GPC6: variants seen among roughly 807,000 people sequenced by gnomAD.
GPC6 encodes the protein glypican 6.
A neutral mutation model predicts 55.2 loss-of-function variants in GPC6; 14 were observed. The observed-to-expected ratio is 0.25, with a 90% confidence interval of 0.17 to 0.40. GPC6 has a LOEUF of 0.40. GPC6 is among the 10% of genes least tolerant of loss of function. GPC6 has a pLI of 1.00. For synonymous variants in GPC6, 278 were observed against 259.6 expected, an observed-to-expected ratio of 1.07 and a Z score of -0.68; for missense variants, 641 against 708.5, an observed-to-expected ratio of 0.90 and a Z score of 1.08.
At chr13:93,384,082 C>T (rs1875293748) in intron 1 of GPC6, among the ~76,000 whole-genome samples, 1 of 152,030 alleles carries the variant, frequency 6.6e-6, no homozygotes, top group African/African-American at 2.4e-5. Context: ...ATTCATACAT[C>T]AACTAATTGA....
intron 1 of GPC6, among the ~76,000 whole-genome samples, chr13:93,233,835 G>T (rs759709566): frequency 6.6e-6 from 1 of 152,070 alleles, no homozygotes; most frequent in African/African-American, 2.4e-5. Context: ...GGGCCCAAAG[G>T]TCAGGTTAAT....
intron 3 of GPC6, among the ~76,000 whole-genome samples, chr13:93,967,589 C>A (rs1053058541): frequency 2.0e-5 from 3 of 152,176 alleles, no homozygotes; most frequent in African/African-American, 7.2e-5. Context: ...CTTCCCCTCA[C>A]CTGCCTGAGT....
At chr13:93,320,204 C>G (rs867016547) in intron 1 of GPC6, among the ~76,000 whole-genome samples, 1 of 152,066 alleles carries the variant, frequency 6.6e-6, no homozygotes, top group Non-Finnish European at 1.5e-5. Flanking sequence ...CATAATAATG[C>G]AAATACTGCC....
chr13:93,731,268 A>G (rs1883809604), intron 2 of GPC6, among the ~76,000 whole-genome samples: 1 of 152,144 alleles, frequency 6.6e-6, no homozygotes, highest in South Asian at 2.1e-4. Flanking sequence ...TTTTTCCAAC[A>G]GGAATATGGT....
At chr13:93,413,057 G>A (rs1167424655) in intron 1 of GPC6, among the ~76,000 whole-genome samples, 1 of 152,138 alleles carries the variant, frequency 6.6e-6, no homozygotes, top group Non-Finnish European at 1.5e-5. Context: ...GGTAGATGTT[G>A]TTTATAAAGA....
At chr13:94,319,228 G>T (rs2139127652) in intron 6 of GPC6, among the ~76,000 whole-genome samples, 1 of 152,060 alleles carries the variant, frequency 6.6e-6, no homozygotes, top group East Asian at 1.9e-4. Flanking sequence ...TAATACTGTA[G>T]TTTTTATTCT....
At chr13:93,740,624 A>G (rs554610475) in intron 2 of GPC6, among the ~76,000 whole-genome samples, 8 of 152,350 alleles carry the variant, frequency 5.3e-5, no homozygotes, top group East Asian at 1.9e-4. Flanking sequence ...CAAATATTTT[A>G]TGAGATAAAA....
chr13:93,491,525 T>C (rs1475186871), intron 1 of GPC6, among the ~76,000 whole-genome samples: 40 of 109,732 alleles, frequency 3.6e-4, no homozygotes, highest in Non-Finnish European at 4.9e-4. Flanking sequence ...TTTAGTTTAA[T>C]TAGATCCCAT....
intron 4 of GPC6, among the ~76,000 whole-genome samples, chr13:94,109,971 G>A (rs1886182895): frequency 6.8e-6 from 1 of 147,772 alleles, no homozygotes; most frequent in South Asian, 2.1e-4. Context: ...CCTCTTTAAA[G>A]CTTCAGTTGT....
chr13:93,659,625 C>T (rs966818346), intron 2 of GPC6, among the ~76,000 whole-genome samples: 2 of 151,998 alleles, frequency 1.3e-5, no homozygotes, highest in African/African-American at 4.8e-5. Context: ...ATAATGCTAT[C>T]AATCCTCTCG....
At chr13:94,175,100 G>A (rs1888699973) in intron 4 of GPC6, among the ~76,000 whole-genome samples, 2 of 152,054 alleles carry the variant, frequency 1.3e-5, no homozygotes, top group Admixed American at 1.3e-4. Flanking sequence ...TATACAGTAT[G>A]TACATTTTTC....
intron 3 of GPC6, among the ~76,000 whole-genome samples, chr13:94,005,568 A>G (rs909988843): frequency 8.5e-5 from 13 of 152,170 alleles, no homozygotes; most frequent in African/African-American, 2.9e-4. Flanking sequence ...AGGAGACATG[A>G]GCTCTTTCTT....
intron 2 of GPC6, among the ~76,000 whole-genome samples, chr13:93,700,098 A>G (rs1294864161): frequency 3.3e-5 from 5 of 152,124 alleles, no homozygotes; most frequent in Admixed American, 2.0e-4. Flanking sequence ...TCTTAATACT[A>G]TATTAAGTCC....
intron 3 of GPC6, among the ~76,000 whole-genome samples, chr13:93,887,425 G>A (rs1050171204): frequency 3.3e-5 from 5 of 151,968 alleles, no homozygotes; most frequent in East Asian, 3.9e-4. Context: ...TTAGAAAATC[G>A]AAGACTGAAA....
At chr13:93,630,582 C>G (rs915321653) in intron 2 of GPC6, among the ~76,000 whole-genome samples, 10 of 152,082 alleles carry the variant, frequency 6.6e-5, no homozygotes, top group African/African-American at 2.2e-4. Flanking sequence ...GCCAATCCTT[C>G]TTGGTACACT....
chr13:93,249,102 A>G (rs931603036), intron 1 of GPC6, among the ~76,000 whole-genome samples: 4 of 152,170 alleles, frequency 2.6e-5, no homozygotes, highest in Non-Finnish European at 5.9e-5. Flanking sequence ...ACTGAAACAA[A>G]TTTCAGATAA....
intron 1 of GPC6, among the ~76,000 whole-genome samples, chr13:93,368,649 T>A (rs1401708475): frequency 6.6e-6 from 1 of 151,964 alleles, no homozygotes; most frequent in Non-Finnish European, 1.5e-5. Flanking sequence ...GTGCTGCACC[T>A]TTGAACCAAC....
At position 93,960,801 on chromosome 13, in the gene GPC6, A is replaced by AT. The variant is rs541680060; in HGVS notation, c.712-66915dup. ...AAAATATAACCAGTTTATTGCTGGA[A>AT]TTTTTTTTTTTTTCTTTTTTTTTTT... On this transcript the variant is annotated intron_variant, in intron 3 of 8. Coordinates refer to ENST00000377047, the MANE Select transcript of GPC6 (RefSeq NM_005708.5). Among the ~76,000 whole-genome samples, 348 of 124,408 alleles carry AT rather than the reference A, an allele frequency of 2.8e-3. 3 individuals carry two copies. The highest frequency in any genetic ancestry group is 7.5e-3 in the African/African-American group (233 of 30,998). 81.6% of individuals were successfully genotyped at this position (124,408 alleles called of 152,430 possible).
intron 4 of GPC6, among the ~76,000 whole-genome samples, chr13:94,037,671 C>T (rs1182354932): frequency 6.6e-6 from 1 of 151,914 alleles, no homozygotes; most frequent in African/African-American, 2.4e-5. Flanking sequence ...CAAGGTCATA[C>T]AACTTGTAAG....
Sources: gnomAD v4.1 joint callset for allele counts (sites outside exome capture counted in the v4.1 genomes callset) on GRCh38, gnomAD v4.1.1 for gene constraint, MANE v1.5 for transcripts, NCBI Gene and HGNC (gene_info 2026-07-23, HGNC 2026-07-21) for gene names.